Variants in COL9A2 observed in about 807,000 individuals in gnomAD.
The protein encoded by COL9A2 is collagen alpha-2(IX) chain.
In COL9A2, 66 loss-of-function variants were observed where a neutral mutation model predicts 111.6. The observed-to-expected ratio is 0.59, with a 90% confidence interval of 0.48 to 0.73. COL9A2 has a LOEUF of 0.73. Ranked by LOEUF, COL9A2 falls within the 30% of genes least tolerant of loss-of-function variation. COL9A2 has a pLI of 0.00. For synonymous variants in COL9A2, 353 were observed against 364.1 expected, an observed-to-expected ratio of 0.97 and a Z score of 0.35; for missense variants, 881 against 954.1, an observed-to-expected ratio of 0.92 and a Z score of 1.01.
At position 40,303,348 on chromosome 1, in the gene COL9A2, T is replaced by C. The variant is rs545157683; in HGVS notation, c.1549-163A>G. ...TACCTGGGCAGGGCCAAGGGCTTACTTGGGAAGGTCGCGGGGTAATCCCTC... is the reference window on the plus strand; with the variant it reads ...TACCTGGGCAGGGCCAAGGGCTTACCTGGGAAGGTCGCGGGGTAATCCCTC... On this transcript the variant is annotated intron_variant, in intron 28 of 31. Transcript: ENST00000372748. This position sits in a 1 kb window ranked among gnomAD's most constrained non-coding sequence, Gnocchi z 4.6. Among the ~76,000 whole-genome samples, 2 of 152,210 alleles carry C rather than the reference T, an allele frequency of 1.3e-5. No homozygotes were observed. The highest frequency in any genetic ancestry group is 4.1e-4 in the South Asian group (2 of 4,830).
At chr1:40,305,655 C>T in intron 21 of COL9A2, 60 bp downstream of exon 21, 1 of 1,499,200 alleles carries the variant, frequency 6.7e-7, no homozygotes, top group Non-Finnish European at 9.3e-7. Context: ...TAGGTTAGGG[C>T]TCCACCCCAT....
chr1:40,303,897 C>T lies in COL9A2; in HGVS notation c.1368+31G>A, dbSNP rs1180399715. 1 of 1,550,330 alleles carries T rather than the reference C, an allele frequency of 6.5e-7. No individual in the cohort carries two copies. The highest frequency in any genetic ancestry group is 2.4e-5 in the East Asian group (1 of 41,080). ...GCGGGGACCCCGGGGCCAGCCGCCG[C>T]TCCCCGCCCTTCCCTAGGCCGCGCG... On this transcript the variant is annotated intron_variant, in intron 26 of 31. Transcript: ENST00000372748. This position sits in a 1 kb window ranked among gnomAD's most constrained non-coding sequence, Gnocchi z 4.6.
Position 40,312,176 on chromosome 1 carries a change from A to G in COL9A2, c.364-64T>C. 7.2e-7 allele frequency: 1 copy of G among 1,389,502 alleles called. No homozygotes were observed. Among genetic ancestry groups the G allele is most frequent in the Non-Finnish European group, 1.0e-6 (1 of 995,620 alleles). The allele number at this position is 1,389,502 out of a possible 1,614,324, so 86.1% of individuals were successfully genotyped here. On this transcript the variant is annotated intron_variant, in intron 7 of 31. Coordinates refer to ENST00000372748, the MANE Select transcript of COL9A2 (RefSeq NM_001852.4). This position sits in a 1 kb window ranked among gnomAD's most constrained non-coding sequence, Gnocchi z 6.0. ...GGTCAGATACCCTGGGCACAAAGGT[A>G]GAGACAGGCACCCAAAGCCCGTTTC... is the stretch of plus-strand genomic sequence containing the variant.
intron 16 of COL9A2, 51 bp downstream of exon 16, chr1:40,309,887 C>G: frequency 6.3e-7 from 1 of 1,596,960 alleles, no homozygotes; most frequent in Non-Finnish European, 8.6e-7. Flanking sequence ...CCTTGTCCTG[C>G]CCAGTACTCC....
chr1:40,311,515 G>T lies in COL9A2; in HGVS notation c.504C>A (p.Gly168=), dbSNP rs748881230. 1 of 1,603,338 alleles carries T rather than the reference G, an allele frequency of 6.2e-7. No homozygotes were observed. ...CGTCTCTCACCAGGAAATCCGCACTGCCTTCCAGACCCTGGATGGTTCCCG... is the reference window on the plus strand; with the variant it reads ...CGTCTCTCACCAGGAAATCCGCACTTCCTTCCAGACCCTGGATGGTTCCCG... ...GRPGTIQGLE[G]SADFLCPTNC... Residue 168 remains glycine (G), a synonymous_variant, in exon 10 of 32, where the codon GGC becomes GGA. Transcript: ENST00000372748. This position sits in a 1 kb window ranked among gnomAD's most constrained non-coding sequence, Gnocchi z 5.1.
Position 40,300,888 on chromosome 1 carries a change from T to G in COL9A2, c.*294A>C. The G allele has an allele frequency of 2.5e-6, 1 of 399,134 alleles. No homozygotes were observed. Among genetic ancestry groups the G allele is most frequent in the Non-Finnish European group, 4.6e-6 (1 of 215,368 alleles). The allele number at this position is 399,134 out of a possible 1,614,324, so 24.7% of individuals were successfully genotyped here. The stretch of plus-strand genomic sequence containing the variant: ...TGGAGAAAGGTGCAGATTAAGATGT[T>G]TGTTTTGGTAACAGCCGAATGATGC... On this transcript the variant is annotated 3_prime_UTR_variant, in exon 32 of 32. Transcript: ENST00000372748. The surrounding 1 kb of genome is among the most constrained non-coding windows in gnomAD (Gnocchi z 4.4).
At position 40,304,364 on chromosome 1, in the gene COL9A2, C is replaced by CG. The variant is rs756694568; in HGVS notation, c.1242dup (p.Gly415ArgfsTer29). ...GGCAAGCCTTGGGGCCCTGGAATTC[C>CG]GGGGGGGCCCTGCTCCCCCTTAGGG... On this transcript the variant is annotated frameshift_variant, in exon 24 of 32. Transcript: ENST00000372748. LOFTEE classifies it high-confidence loss of function. 9 of 1,582,906 alleles carry CG rather than the reference C, an allele frequency of 5.7e-6. No individual in the cohort carries two copies. Among genetic ancestry groups the CG allele is most frequent in the South Asian group, 2.3e-5 (2 of 87,228 alleles).
chr1:40,310,641 A>C lies in COL9A2; in HGVS notation c.684+73T>G. On this transcript the variant is annotated intron_variant, in intron 13 of 31. Coordinates refer to ENST00000372748, the MANE Select transcript of COL9A2 (RefSeq NM_001852.4). This position sits in a 1 kb window ranked among gnomAD's most constrained non-coding sequence, Gnocchi z 4.9. ...GTCTCTTTTACAAGCTAGAGGCCTG[A>C]GCAGGGGAATGACTCCATGAAGGGC... 2 of 1,312,588 alleles carry C rather than the reference A, an allele frequency of 1.5e-6. No individual in the cohort carries two copies. Among genetic ancestry groups the C allele is most frequent in the Non-Finnish European group, 2.2e-6 (2 of 928,384 alleles). The allele number at this position is 1,312,588 out of a possible 1,614,324, so 81.3% of individuals were successfully genotyped here. A position where few individuals can be genotyped will look rare whatever the true frequency, so the allele number is the denominator to read the frequency against.
intron 22 of COL9A2, 93 bp downstream of exon 22, chr1:40,304,701 G>T (rs1643995908): frequency 7.1e-7 from 1 of 1,405,270 alleles, no homozygotes; most frequent in Non-Finnish European, 9.8e-7. Flanking sequence ...GCCTGGGGAG[G>T]CATCTCACGG....
rs1644218736 is a variant in COL9A2, at chr1:40,316,352, A to AC, written c.76-689dup. ...GGAGCCGGCACCTCCCAGAAAGCAG[A>AC]CCCTCTCTCTGGATCCCGTTTGCCT... is the stretch of plus-strand genomic sequence containing the variant. On this transcript the variant is annotated intron_variant, in intron 1 of 31. Coordinates refer to ENST00000372748, the MANE Select transcript of COL9A2 (RefSeq NM_001852.4). This position sits in a 1 kb window ranked among gnomAD's most constrained non-coding sequence, Gnocchi z 5.5. Among the ~76,000 whole-genome samples the AC allele has an allele frequency of 6.6e-6, 1 of 151,838 alleles. No individual in the cohort carries two copies. Among genetic ancestry groups the AC allele is most frequent in the African/African-American group, 2.4e-5 (1 of 41,316 alleles).
Position 40,314,313 on chromosome 1 carries a change from G to C in COL9A2, c.186+39C>G, listed in dbSNP as rs373646687. The C allele has an allele frequency of 1.9e-6, 3 of 1,614,118 alleles. No homozygotes were observed. The Admixed American group carries it at 5.0e-5, about 27-fold the overall frequency. ...AAACATGAGCCAGAGGAGGGCAAGA[G>C]CAGGAAGGGTCAAAGGCCAAAGAGG... On this transcript the variant is annotated intron_variant, in intron 3 of 31. Coordinates refer to ENST00000372748, the MANE Select transcript of COL9A2 (RefSeq NM_001852.4). This position sits in a 1 kb window ranked among gnomAD's most constrained non-coding sequence, Gnocchi z 4.1.
chr1:40,310,582 C>A lies in COL9A2; in HGVS notation c.684+132G>T. ...TTCCTGACAATTTCAGCCTCCATCTCCCCATCCAGAGATGCTCCCAGCTAG... is the reference window on the plus strand; with the variant it reads ...TTCCTGACAATTTCAGCCTCCATCTACCCATCCAGAGATGCTCCCAGCTAG... On this transcript the variant is annotated intron_variant, in intron 13 of 31. Transcript: ENST00000372748. The surrounding 1 kb of genome is among the most constrained non-coding windows in gnomAD (Gnocchi z 4.9). 1.1e-6 allele frequency: 1 copy of A among 934,108 alleles called. No individual in the cohort carries two copies. Among genetic ancestry groups the A allele is most frequent in the Non-Finnish European group, 1.7e-6 (1 of 585,576 alleles). The allele number at this position is 934,108 out of a possible 1,614,324, so 57.9% of individuals were successfully genotyped here. A position where few individuals can be genotyped will look rare whatever the true frequency, so the allele number is the denominator to read the frequency against.
chr1:40,311,468 GT>G lies in COL9A2; in HGVS notation c.519+31del. 2.9e-5 allele frequency: 42 copies of G among 1,463,118 alleles called. No individual in the cohort carries two copies. Among genetic ancestry groups the G allele is most frequent in the Non-Finnish European group, 3.9e-5 (42 of 1,071,998 alleles). 90.6% of individuals were successfully genotyped at this position (1,463,118 alleles called of 1,614,324 possible). ...CCCATCTCTGTGGCCCCGCCCCCCTGTGTTAGCCCCGCCCCAGACCTCGTCT... is the reference window on the plus strand; with the variant it reads ...CCCATCTCTGTGGCCCCGCCCCCCTGGTTAGCCCCGCCCCAGACCTCGTCT... On this transcript the variant is annotated intron_variant, in intron 10 of 31. Coordinates refer to ENST00000372748, the MANE Select transcript of COL9A2 (RefSeq NM_001852.4). The surrounding 1 kb of genome is among the most constrained non-coding windows in gnomAD (Gnocchi z 5.1).
rs1487796305 is a variant in COL9A2 at position 40,317,090 on chromosome 1, G to A, written c.75+33C>T. 6.5e-7 allele frequency: 1 copy of A among 1,549,234 alleles called. No individual in the cohort carries two copies. Among genetic ancestry groups the A allele is most frequent in the Non-Finnish European group, 8.7e-7 (1 of 1,144,390 alleles). The stretch of plus-strand genomic sequence containing the variant: ...TCCCGGACTCCAGACCCCGCACCCT[G>A]GACCCTGGCAGCGGAGGGGCTGCGA... On this transcript the variant is annotated intron_variant, in intron 1 of 31. Coordinates refer to ENST00000372748, the MANE Select transcript of COL9A2 (RefSeq NM_001852.4). The surrounding 1 kb of genome is among the most constrained non-coding windows in gnomAD (Gnocchi z 4.3).
In COL9A2 at chr1:40,302,696, G is replaced by A. The variant is rs1395513382; in HGVS notation, c.1717C>T (p.His573Tyr). 3.1e-6 allele frequency: 5 copies of A among 1,591,828 alleles called. No individual in the cohort carries two copies. In the East Asian group the frequency reaches 1.2e-4, roughly 37 times the overall value. The change falls in exon 30 of 32, where the codon CAT (histidine) becomes TAT (tyrosine). Residue 573 changes from histidine to tyrosine, a missense_variant. Transcript: ENST00000372748. This position sits in a 1 kb window ranked among gnomAD's most constrained non-coding sequence, Gnocchi z 4.5. ...PPGYPGKQGP[H>Y]GHPGPRGVPG... Reference sequence around the variant, plus strand: ...ACGCCCCGAGGGCCAGGGTGCCCATGGGGGCCCTGCTTGCCTGGGTACCCA... The same window carrying A: ...ACGCCCCGAGGGCCAGGGTGCCCATAGGGGCCCTGCTTGCCTGGGTACCCA...
Position 40,317,265 on chromosome 1 carries a change from G to C in COL9A2, c.-68C>G. 8.4e-7 allele frequency: 1 copy of C among 1,190,340 alleles called. No individual in the cohort carries two copies. Among genetic ancestry groups the C allele is most frequent in the African/African-American group, 1.5e-5 (1 of 64,636 alleles). The allele number at this position is 1,190,340 out of a possible 1,614,324, so 73.7% of individuals were successfully genotyped here. A position where few individuals can be genotyped will look rare whatever the true frequency, so the allele number is the denominator to read the frequency against. On this transcript the variant is annotated 5_prime_UTR_variant, in exon 1 of 32. Transcript: ENST00000372748. This position sits in a 1 kb window ranked among gnomAD's most constrained non-coding sequence, Gnocchi z 4.3. ...CGCACCGACGGCAGAGTCTCCCGGC[G>C]CTCCTCCAGCGCTGGCTGTTCGCGG...
rs1028114742 is a variant in COL9A2 at position 40,311,966 on chromosome 1, G to C, written c.417+93C>G. On this transcript the variant is annotated intron_variant, in intron 8 of 31. Transcript: ENST00000372748. This position sits in a 1 kb window ranked among gnomAD's most constrained non-coding sequence, Gnocchi z 5.1. ...CCTGGAGGAGTTTCCCAGTGGCCAG[G>C]AGCAGGCCCAGGAACTTCCAGAAAG... 1 of 1,357,812 alleles carries C rather than the reference G, an allele frequency of 7.4e-7. No homozygotes were observed. The highest frequency in any genetic ancestry group is 1.4e-5 in the African/African-American group (1 of 69,740). The allele number at this position is 1,357,812 out of a possible 1,614,324, so 84.1% of individuals were successfully genotyped here.
At chr1:40,315,870 C>T (rs1373901541) in intron 1 of COL9A2, 5 of 456,450 alleles carry the variant, frequency 1.1e-5, no homozygotes, top group Non-Finnish European at 1.6e-5. Flanking sequence ...GGGAGGCGGG[C>T]GCTATTACGG....
chr1:40,311,108 G>T lies in COL9A2; in HGVS notation c.615C>A (p.Gly205=), dbSNP rs765020647. 1.9e-6 allele frequency: 3 copies of T among 1,614,122 alleles called. No homozygotes were observed. Among genetic ancestry groups the T allele is most frequent in the East Asian group, 4.5e-5 (2 of 44,870 alleles). The part of the protein sequence containing the change: ...AGKRGILGDP[G]HQGKPGPKGD... Reference sequence around the variant, plus strand: ...TTGCACTCACCGGCTTCCCCTGGTGGCCAGGATCACCCAGAATCCCGCGTT... The same window carrying T: ...TTGCACTCACCGGCTTCCCCTGGTGTCCAGGATCACCCAGAATCCCGCGTT... The change falls in exon 12 of 32, where the codon GGC becomes GGA. Residue 205 remains glycine (G), a synonymous_variant. Coordinates refer to ENST00000372748, the MANE Select transcript of COL9A2 (RefSeq NM_001852.4). The surrounding 1 kb of genome is among the most constrained non-coding windows in gnomAD (Gnocchi z 5.1).
Sources: allele counts gnomAD v4.1 joint callset (sites outside exome capture counted in the v4.1 genomes callset), GRCh38; gene constraint gnomAD v4.1.1; non-coding constraint Gnocchi (gnomAD v3.1); transcripts MANE v1.5; gene names NCBI Gene and HGNC (gene_info 2026-07-23, HGNC 2026-07-21).